RIMBP2: variants seen among roughly 807,000 people sequenced by gnomAD.
RIMBP2 encodes the protein RIMS-binding protein 2.
In RIMBP2, 48 loss-of-function variants were observed where a neutral mutation model predicts 118.6. The ratio of observed to expected loss-of-function variants is 0.40; its 90% CI spans 0.32 to 0.51. The LOEUF (loss-of-function observed/expected upper bound fraction) is 0.51, where lower values mean the gene tolerates loss of function less well. RIMBP2 is among the 20% of genes least tolerant of loss of function. The pLI is 0.41. For missense variants in RIMBP2, 1,551 were observed against 1,768.3 expected (o/e 0.88, Z 2.20); for synonymous variants, 762 against 742.9 (o/e 1.03, Z -0.42).
rs1390043786 is a variant in RIMBP2 at position 130,576,417 on chromosome 12, A to C, written c.-217+51905T>G. Among the ~76,000 whole-genome samples, 3 of 151,936 alleles carry C rather than the reference A, an allele frequency of 2.0e-5. No individual in the cohort carries two copies. The highest frequency in any genetic ancestry group is 4.4e-5 in the Non-Finnish European group (3 of 67,974). On this transcript the variant is annotated intron_variant, in intron 2 of 22. Coordinates refer to ENST00000690449, the MANE Select transcript of RIMBP2 (RefSeq NM_001393629.1). This position sits in a 1 kb window ranked among gnomAD's most constrained non-coding sequence, Gnocchi z 4.2. ...GCATGACCCTCAGAGCCCTAAACAC[A>C]CTACCCGTGGGCAGCTGGCAGGTGG... is the stretch of plus-strand genomic sequence containing the variant.
chr12:130,700,515 C>T (rs1057045912), intron 1 of RIMBP2, among the ~76,000 whole-genome samples: 1 of 152,128 alleles, frequency 6.6e-6, no homozygotes, highest in Non-Finnish European at 1.5e-5. Flanking sequence ...CGAGAATGTC[C>T]TTCTGGAGAT....
intron 6 of RIMBP2, among the ~76,000 whole-genome samples, chr12:130,468,246 A>G (rs1221451806): frequency 2.0e-5 from 3 of 152,182 alleles, no homozygotes. Context: ...ACTGCTGAAA[A>G]TACTCTCTGC....
At chr12:130,494,372 C>T (rs1364901219) in intron 4 of RIMBP2, among the ~76,000 whole-genome samples, 2 of 152,172 alleles carry the variant, frequency 1.3e-5, no homozygotes, top group African/African-American at 4.8e-5. Flanking sequence ...AGCACAGTGG[C>T]TCATACCTGT....
chr12:130,529,057 T>A (rs567048529), intron 2 of RIMBP2, among the ~76,000 whole-genome samples: 13 of 152,328 alleles, frequency 8.5e-5, no homozygotes, highest in African/African-American at 3.1e-4. Flanking sequence ...AAGTGTCGAT[T>A]GATGGATGAA....
chr12:130,549,570 C>T (rs1271977597), intron 2 of RIMBP2, among the ~76,000 whole-genome samples: 2 of 152,196 alleles, frequency 1.3e-5, no homozygotes, highest in Admixed American at 1.3e-4. Flanking sequence ...CACGTGTTCT[C>T]ATCATTTAGC....
At chr12:130,668,911 G>A (rs539122986) in intron 1 of RIMBP2, among the ~76,000 whole-genome samples, 18 of 152,334 alleles carry the variant, frequency 1.2e-4, no homozygotes, top group African/African-American at 3.1e-4. Context: ...GCCAAGCCCC[G>A]AGAGCCCCTG....
intron 1 of RIMBP2, among the ~76,000 whole-genome samples, chr12:130,690,350 G>A (rs1199059289): frequency 9.2e-5 from 14 of 152,298 alleles, no homozygotes; most frequent in Admixed American, 7.2e-4. Context: ...GGGTCTGCCC[G>A]CCACAGAAAC....
chr12:130,644,282 C>A (rs2062752345), intron 1 of RIMBP2, among the ~76,000 whole-genome samples: 1 of 152,192 alleles, frequency 6.6e-6, no homozygotes. Context: ...AGGAAACACA[C>A]CACGTCCTGC....
chr12:130,586,429 G>A (rs1431736555), intron 2 of RIMBP2, among the ~76,000 whole-genome samples: 1 of 152,162 alleles, frequency 6.6e-6, no homozygotes, highest in African/African-American at 2.4e-5. Flanking sequence ...TCGAGCCTGG[G>A]CAATAAAAGG....
In RIMBP2 at chr12:130,517,725, T is replaced by C. The variant is rs573360992; in HGVS notation, c.-127+103A>G. ...TCAGCCTCTCAGGCCACCTTCACAC[T>C]GATGTTCAGTGATTCTTCCCTGCCC... On this transcript the variant is annotated intron_variant, in intron 3 of 22. Transcript: ENST00000690449. 4 of 301,966 alleles carry C rather than the reference T, an allele frequency of 1.3e-5. No homozygotes were observed. In the South Asian group the frequency reaches 5.1e-4, roughly 39 times the overall value. The allele number at this position is 301,966 out of a possible 1,614,324, so 18.7% of individuals were successfully genotyped here.
intron 2 of RIMBP2, among the ~76,000 whole-genome samples, chr12:130,534,776 C>T (rs1227152706): frequency 3.9e-5 from 6 of 152,178 alleles, no homozygotes; most frequent in Non-Finnish European, 7.3e-5. Flanking sequence ...CAAACCCAGA[C>T]ACCTCTAGGA....
At position 130,528,429 on chromosome 12, in the gene RIMBP2, AAC is replaced by A. The variant is rs1185300341; in HGVS notation, c.-216-10514_-216-10513del. On this transcript the variant is annotated intron_variant, in intron 2 of 22. Transcript: ENST00000690449. ...AACACATGGACATAGGGAGGGGAAC[AAC>A]ACACACTGGGGCCTGTTGGAGGTTG... is the stretch of plus-strand genomic sequence containing the variant. Among the ~76,000 whole-genome samples, 6 of 152,298 alleles carry A rather than the reference AAC, an allele frequency of 3.9e-5. No homozygotes were observed. In the East Asian group the frequency reaches 1.2e-3, roughly 29 times the overall value.
intron 21 of RIMBP2, among the ~76,000 whole-genome samples, chr12:130,401,108 G>GTTACCTAGCAGT (rs2074501907): frequency 1.3e-5 from 2 of 151,788 alleles, no homozygotes; most frequent in African/African-American, 4.9e-5. Context: ...ACTTAAAAAT[G>GTTACCTAGCAGT]ATTTTATATC....
At chr12:130,676,484 G>A (rs1400972771) in intron 1 of RIMBP2, among the ~76,000 whole-genome samples, 1 of 151,912 alleles carries the variant, frequency 6.6e-6, no homozygotes, top group African/African-American at 2.4e-5. Context: ...TTAGCTGGGT[G>A]TGGTGGTATG....
At chr12:130,502,313 T>C (rs2049877178) in intron 4 of RIMBP2, among the ~76,000 whole-genome samples, 1 of 152,226 alleles carries the variant, frequency 6.6e-6, no homozygotes, top group Non-Finnish European at 1.5e-5. Context: ...CGGTTTGTTA[T>C]GCAGTCTTAT....
Position 130,437,162 on chromosome 12 carries a change from C to T in RIMBP2, c.1786G>A (p.Ala596Thr), listed in dbSNP as rs771430064. The change falls in exon 13 of 23, where the codon GCT becomes ACT. Residue 596 changes from alanine to threonine, a missense_variant. Coordinates refer to ENST00000690449, the MANE Select transcript of RIMBP2 (RefSeq NM_001393629.1). ...AQGESVDSAVAAVPPELLVPP... is the reference protein window; with the variant it reads ...AQGESVDSAVTAVPPELLVPP... ...ACCAGGAGCTCGGGGGGAACGGCAG[C>T]AACTGCAGAGTCCACGGACTCGCCC... The T allele has an allele frequency of 1.4e-5, 22 of 1,589,804 alleles. No homozygotes were observed. The highest frequency in any genetic ancestry group is 3.3e-4 in the Middle Eastern group (2 of 6,034).
chr12:130,713,324 C>T (rs1950100083), intron 1 of RIMBP2, among the ~76,000 whole-genome samples: 3 of 151,780 alleles, frequency 2.0e-5, no homozygotes, highest in Non-Finnish European at 2.9e-5. Context: ...GTGGTGGCAC[C>T]AGCATCACCA....
chr12:130,656,733 T>C (rs943684120), intron 1 of RIMBP2, among the ~76,000 whole-genome samples: 3 of 152,034 alleles, frequency 2.0e-5, no homozygotes, highest in Non-Finnish European at 4.4e-5. Flanking sequence ...CTAAAATTTA[T>C]GTACTAAAAA....
intron 1 of RIMBP2, among the ~76,000 whole-genome samples, chr12:130,651,216 T>C (rs2063218972): frequency 6.6e-6 from 1 of 152,106 alleles, no homozygotes. Context: ...TCAATTTTAT[T>C]CTGCAGGGCA....
Sources: allele counts gnomAD v4.1 joint callset (sites outside exome capture counted in the v4.1 genomes callset), GRCh38; gene constraint gnomAD v4.1.1; non-coding constraint Gnocchi (gnomAD v3.1); transcripts MANE v1.5; gene names NCBI Gene and HGNC (gene_info 2026-07-23, HGNC 2026-07-21).